Variants in CHCHD3 observed in about 807,000 individuals in gnomAD.
CHCHD3 encodes coiled-coil-helix-coiled-coil-helix domain containing 3.
A neutral mutation model predicts 38.2 loss-of-function variants in CHCHD3; 20 were observed. The ratio of observed to expected loss-of-function variants is 0.52; its 90% confidence interval spans 0.37 to 0.76. The LOEUF is 0.76. CHCHD3 is among the 30% of genes least tolerant of loss of function. The pLI is 0.00. For missense variants in CHCHD3, 245 were observed against 279.2 expected (o/e 0.88, Z 0.87); for synonymous variants, 82 against 100.0 (o/e 0.82, Z 1.07).
At chr7:132,889,370 T>G (rs1809304232) in intron 4 of CHCHD3, among the ~76,000 whole-genome samples, 1 of 152,092 alleles carries the variant, frequency 6.6e-6, no homozygotes, top group Non-Finnish European at 1.5e-5. Flanking sequence ...ATTATCATTA[T>G]TTAGAAAACA....
chr7:133,018,023 T>C (rs1337276046), intron 3 of CHCHD3, among the ~76,000 whole-genome samples: 2 of 152,154 alleles, frequency 1.3e-5, no homozygotes, highest in African/African-American at 2.4e-5. Context: ...ACTGGTTAGG[T>C]CTTTTTATCA....
intron 3 of CHCHD3, among the ~76,000 whole-genome samples, chr7:132,976,813 T>C (rs1326078194): frequency 6.6e-6 from 1 of 152,098 alleles, no homozygotes; most frequent in Non-Finnish European, 1.5e-5. Context: ...TACATCATCC[T>C]GATACTCTGG....
At chr7:133,005,229 C>A (rs1327040818) in intron 3 of CHCHD3, among the ~76,000 whole-genome samples, 1 of 152,080 alleles carries the variant, frequency 6.6e-6, no homozygotes, top group Non-Finnish European at 1.5e-5. Flanking sequence ...AAAAAACAAA[C>A]CTAAAATCTC....
chr7:133,050,340 TAA>T (rs35635002), intron 2 of CHCHD3, among the ~76,000 whole-genome samples: 1,274 of 31,340 alleles, frequency 0.041, 4 homozygotes, highest in Non-Finnish European at 0.057. Context: ...GGCTGTGTCT[TAA>T]AAAAAAAAAA....
intron 6 of CHCHD3, among the ~76,000 whole-genome samples, chr7:132,821,107 C>A (rs1807363031): frequency 2.0e-5 from 3 of 151,930 alleles, no homozygotes; most frequent in Non-Finnish European, 4.4e-5. Context: ...AATTTTATTG[C>A]GTTCAAGAAT....
chr7:133,022,027 C>CA (rs1813192106), intron 3 of CHCHD3, among the ~76,000 whole-genome samples: 1 of 151,864 alleles, frequency 6.6e-6, no homozygotes, highest in African/African-American at 2.4e-5. Flanking sequence ...GTGGAGGTTG[C>CA]AGTGAGCTGA....
At chr7:132,946,070 A>G (rs1810891856) in intron 4 of CHCHD3, among the ~76,000 whole-genome samples, 1 of 151,978 alleles carries the variant, frequency 6.6e-6, no homozygotes, top group Admixed American at 6.6e-5. Flanking sequence ...TCAAACATAA[A>G]AAATCATACT....
intron 5 of CHCHD3, among the ~76,000 whole-genome samples, chr7:132,857,983 A>G (rs982493522): frequency 2.6e-5 from 4 of 152,220 alleles, no homozygotes; most frequent in Non-Finnish European, 5.9e-5. Flanking sequence ...GAACTGGCAC[A>G]CTTGTCTGTA....
chr7:132,831,415 T>C (rs1807646835), intron 6 of CHCHD3, among the ~76,000 whole-genome samples: 1 of 152,158 alleles, frequency 6.6e-6, no homozygotes, highest in South Asian at 2.1e-4. Context: ...AGCACTAAAG[T>C]AGGTTATAAG....
chr7:132,838,325 G>T (rs577084804), intron 6 of CHCHD3, 74 bp downstream of exon 6: 2 of 1,027,998 alleles, frequency 1.9e-6, no homozygotes, highest in East Asian at 2.6e-5. Context: ...ACTATGATCT[G>T]TGCAAAAAGC....
chr7:133,055,514 ATATAATTGTTACATATTTAAT>A (rs1814298420), intron 2 of CHCHD3, among the ~76,000 whole-genome samples: 3 of 141,924 alleles, frequency 2.1e-5, no homozygotes, highest in African/African-American at 2.8e-5. Context: ...ATTAATTATA[ATATAATTGTTACATATTTAAT>A]TATAATTGTT....
At chr7:133,031,956 G>A (rs1255626023) in intron 2 of CHCHD3, among the ~76,000 whole-genome samples, 4 of 151,992 alleles carry the variant, frequency 2.6e-5, no homozygotes, top group Non-Finnish European at 4.4e-5. Flanking sequence ...TATTGTTTAA[G>A]AAAATAATAA....
At position 132,986,218 on chromosome 7, in the gene CHCHD3, G is replaced by C. The variant is rs970583264; in HGVS notation, c.252-10932C>G. On this transcript the variant is annotated intron_variant, in intron 3 of 7. Coordinates refer to ENST00000262570, the MANE Select transcript of CHCHD3 (RefSeq NM_017812.4). ...TGCTTGAAGGCAGCATGCTCGTTAAGAGTCATCACCACTCCCTAATCTCAA... is the reference window on the plus strand; with the variant it reads ...TGCTTGAAGGCAGCATGCTCGTTAACAGTCATCACCACTCCCTAATCTCAA... Among the ~76,000 whole-genome samples the C allele has an allele frequency of 1.3e-4, 20 of 148,464 alleles. 1 individual carries two copies. The highest frequency in any genetic ancestry group is 3.4e-3 in the Middle Eastern group (1 of 294).
intron 5 of CHCHD3, among the ~76,000 whole-genome samples, chr7:132,862,726 C>T (rs1169753875): frequency 1.3e-5 from 2 of 152,186 alleles, no homozygotes; most frequent in African/African-American, 2.4e-5. Flanking sequence ...AACTCTGCTG[C>T]TGCTTTACCA....
chr7:132,844,644 G>T (rs1464425414), intron 5 of CHCHD3, among the ~76,000 whole-genome samples: 1 of 152,152 alleles, frequency 6.6e-6, no homozygotes, highest in East Asian at 1.9e-4. Context: ...CATAAAACAT[G>T]TTTTCCATCA....
intron 6 of CHCHD3, among the ~76,000 whole-genome samples, chr7:132,820,142 AG>A (rs1563245101): frequency 6.6e-6 from 1 of 152,126 alleles, no homozygotes; most frequent in South Asian, 2.1e-4. Context: ...TAAAAAAAAA[AG>A]TTATTATTTG....
intron 1 of CHCHD3, among the ~76,000 whole-genome samples, chr7:133,070,443 G>A (rs1814786654): frequency 6.6e-6 from 1 of 152,050 alleles, no homozygotes; most frequent in Non-Finnish European, 1.5e-5. Context: ...TTTTTCTAAT[G>A]CACTGCTAAT....
rs148452557 is a variant in CHCHD3, at chr7:132,981,867, G to A, written c.252-6581C>T. On this transcript the variant is annotated intron_variant, in intron 3 of 7. Transcript: ENST00000262570. ...TAAATGACTTATCTAAAGTTGAACC[G>A]TGACCGTTATACATAGGCAATATAT... Among the ~76,000 whole-genome samples, 587 of 152,272 alleles carry A rather than the reference G, an allele frequency of 3.9e-3. 3 individuals carry two copies. The highest frequency in any genetic ancestry group is 0.014 in the African/African-American group (562 of 41,544).
At chr7:133,072,636 G>A (rs1007478238) in intron 1 of CHCHD3, among the ~76,000 whole-genome samples, 8 of 151,930 alleles carry the variant, frequency 5.3e-5, no homozygotes, top group Non-Finnish European at 1.2e-4. Context: ...TCAGGAGATC[G>A]AGACCATCCT....
Sources: allele counts gnomAD v4.1 joint callset (sites outside exome capture counted in the v4.1 genomes callset), GRCh38; gene constraint gnomAD v4.1.1; transcripts MANE v1.5; gene names NCBI Gene and HGNC (gene_info 2026-07-23, HGNC 2026-07-21).